PRP4K: variants seen among roughly 807,000 people sequenced by gnomAD.
PRP4K encodes the protein serine/threonine-protein kinase PRP4 homolog.
chr6:4,028,051 G>A, the PRP4K span, among the ~76,000 whole-genome samples: 4 of 152,048 alleles, frequency 2.6e-5, no homozygotes, highest in Non-Finnish European at 1.5e-5. Context: ...AAGACCTTCT[G>A]GATTATGGGA....
At chr6:4,025,709 A>C in the PRP4K span, among the ~76,000 whole-genome samples, 1 of 152,220 alleles carries the variant, frequency 6.6e-6, no homozygotes, top group African/African-American at 2.4e-5. Flanking sequence ...TGTTGATAGA[A>C]GTTGATTCCT....
chr6:4,035,421 A>G, the PRP4K span, among the ~76,000 whole-genome samples: 1 of 148,122 alleles, frequency 6.8e-6, no homozygotes, highest in South Asian at 2.1e-4. Context: ...TGTTGGGATT[A>G]CAGGCGTGAG....
the PRP4K span, chr6:4,049,887 C>T: frequency 6.2e-7 from 1 of 1,613,452 alleles, no homozygotes; most frequent in Non-Finnish European, 8.5e-7. Flanking sequence ...CATGTAAGTT[C>T]AGAAGACGTG....
At chr6:4,025,952 C>A in the PRP4K span, among the ~76,000 whole-genome samples, 2 of 152,152 alleles carry the variant, frequency 1.3e-5, no homozygotes, top group African/African-American at 4.8e-5. Flanking sequence ...CTTTCAAGTT[C>A]TAAGAGTCTA....
At chr6:4,056,693 G>A in the PRP4K span, 1 of 1,545,156 alleles carries the variant, frequency 6.5e-7, no homozygotes, top group Non-Finnish European at 8.7e-7. Flanking sequence ...TTCAAGGTCT[G>A]ATTATCACAT....
the PRP4K span, among the ~76,000 whole-genome samples, chr6:4,030,719 A>G: frequency 6.6e-6 from 1 of 152,214 alleles, no homozygotes; most frequent in Non-Finnish European, 1.5e-5. Context: ...TGAAATTCAG[A>G]GAGATTAAAT....
chr6:4,032,138 C>A, the PRP4K span: 1 of 1,613,108 alleles, frequency 6.2e-7, no homozygotes, highest in Non-Finnish European at 8.5e-7. Flanking sequence ...GTATTGAAAT[C>A]GTTAAAGAGA....
At chr6:4,046,097 G>A in the PRP4K span, among the ~76,000 whole-genome samples, 1 of 152,180 alleles carries the variant, frequency 6.6e-6, no homozygotes, top group African/African-American at 2.4e-5. Flanking sequence ...GATTATAATG[G>A]TGTTGTGCAT....
chr6:4,057,331 C>G, the PRP4K span: 2 of 826,054 alleles, frequency 2.4e-6, no homozygotes, highest in Admixed American at 3.0e-5. Context: ...TAGGGTCTTT[C>G]CCTTTTCTGG....
the PRP4K span, among the ~76,000 whole-genome samples, chr6:4,039,822 TCCTCCCCTCCCCACCCCACC>T: frequency 6.6e-6 from 1 of 151,754 alleles, no homozygotes; most frequent in African/African-American, 2.4e-5. Context: ...CTGAGGGTTT[TCCTCCCCTCCCCACCCCACC>T]CCTCCCTTCC....
chr6:4,021,382 C>A, the PRP4K span: 3 of 1,558,462 alleles, frequency 1.9e-6, no homozygotes, highest in Admixed American at 1.9e-5. Flanking sequence ...CCTCCACCGT[C>A]CGGGAGCCGC....
the PRP4K span, among the ~76,000 whole-genome samples, chr6:4,028,069 T>C: frequency 6.6e-6 from 1 of 152,170 alleles, no homozygotes; most frequent in African/African-American, 2.4e-5. Context: ...GGATGGGAGA[T>C]TTCTGGGGAC....
the PRP4K span, among the ~76,000 whole-genome samples, chr6:4,054,113 G>T: frequency 1.3e-5 from 2 of 151,952 alleles, no homozygotes; most frequent in Admixed American, 1.3e-4. Flanking sequence ...ATGAGGTTTG[G>T]CTGGTCTCAA....
the PRP4K span, among the ~76,000 whole-genome samples, chr6:4,041,535 A>G: frequency 6.6e-6 from 1 of 152,190 alleles, no homozygotes; most frequent in Admixed American, 6.5e-5. Context: ...CTGAGCAAAA[A>G]GAGTGAGACC....
At chr6:4,045,301 A>G in the PRP4K span, among the ~76,000 whole-genome samples, 1 of 152,218 alleles carries the variant, frequency 6.6e-6, no homozygotes, top group African/African-American at 2.4e-5. Flanking sequence ...TAGGCCATAC[A>G]GAAAGAAGCA....
the PRP4K span, chr6:4,056,866 C>G: frequency 2.3e-5 from 25 of 1,065,148 alleles, 1 homozygote; most frequent in African/African-American, 3.8e-4. Flanking sequence ...AAGTTTGAGT[C>G]TCTATTAAGA....
At chr6:4,038,295 T>G in the PRP4K span, among the ~76,000 whole-genome samples, 19 of 151,972 alleles carry the variant, frequency 1.3e-4, no homozygotes, top group African/African-American at 4.6e-4. Flanking sequence ...TTATTTTATT[T>G]TATTTTATTT....
At chr6:4,037,465 G>T in the PRP4K span, 1 of 1,613,978 alleles carries the variant, frequency 6.2e-7, no homozygotes, top group Non-Finnish European at 8.5e-7. Flanking sequence ...ATCAATAGAT[G>T]GTCTCCAACC....
At chr6:4,027,108 A>G in the PRP4K span, among the ~76,000 whole-genome samples, 4 of 152,224 alleles carry the variant, frequency 2.6e-5, no homozygotes, top group African/African-American at 9.6e-5. Context: ...GGTAGAAAGC[A>G]ATAAAATTTC....
Sources: gnomAD v4.1 joint callset for allele counts (sites outside exome capture counted in the v4.1 genomes callset) on GRCh38, gnomAD v4.1.1 for gene constraint, MANE v1.5 for transcripts, NCBI Gene and HGNC (gene_info 2026-07-23, HGNC 2026-07-21) for gene names.